Variants in FTO observed in about 807,000 individuals in gnomAD.
FTO encodes FTO alpha-ketoglutarate dependent dioxygenase.
A neutral mutation model predicts 63.9 loss-of-function variants in FTO; 47 were observed. The ratio of observed to expected loss-of-function variants is 0.74; its 90% confidence interval spans 0.58 to 0.94. The LOEUF is 0.94. FTO is among the 40% of genes least tolerant of loss of function. The probability of loss-of-function intolerance (pLI) is 0.00; values close to 1 mark genes in which losing one functional copy is unlikely to be tolerated. For synonymous variants in FTO, 207 were observed against 224.4 expected, an observed-to-expected ratio of 0.92 and a Z score of 0.69; for missense variants, 562 against 618.1, an observed-to-expected ratio of 0.91 and a Z score of 0.96.
intron 7 of FTO, among the ~76,000 whole-genome samples, chr16:53,915,866 C>T (rs1201758428): frequency 1.3e-5 from 2 of 152,176 alleles, no homozygotes; most frequent in Admixed American, 1.3e-4. Flanking sequence ...AATTGTCTGT[C>T]TGAGATGAGC....
At chr16:54,033,423 T>C (rs755621241) in intron 8 of FTO, among the ~76,000 whole-genome samples, 1 of 152,192 alleles carries the variant, frequency 6.6e-6, no homozygotes, top group African/African-American at 2.4e-5. Context: ...ATAAAAACAC[T>C]GTACCTTTTG....
At chr16:53,801,446 G>C (rs2078220371) in intron 1 of FTO, among the ~76,000 whole-genome samples, 1 of 151,580 alleles carries the variant, frequency 6.6e-6, no homozygotes, top group African/African-American at 2.4e-5. Context: ...TCTTGTTTTT[G>C]CTTTAGTCAA....
chr16:53,739,414 C>T (rs1188058948), intron 1 of FTO, among the ~76,000 whole-genome samples: 1 of 148,408 alleles, frequency 6.7e-6, no homozygotes, highest in African/African-American at 2.5e-5. Context: ...TGGGGTTTTA[C>T]CGTGTTAGCC....
At chr16:53,744,035 AGTC>A (rs2076590096) in intron 1 of FTO, among the ~76,000 whole-genome samples, 1 of 152,234 alleles carries the variant, frequency 6.6e-6, no homozygotes, top group South Asian at 2.1e-4. Context: ...CATTTTCTCC[AGTC>A]GTCTTGTAGA....
rs200353889 is a variant in FTO at position 53,729,502 on chromosome 16, C to CG, written c.45+25279dup. ...TGCGTGACAGACTGAGACTCCGTAT[C>CG]GGGGGGAAAAAAAAAGTAAAATGAC... On this transcript the variant is annotated intron_variant, in intron 1 of 8. Coordinates refer to ENST00000471389, the MANE Select transcript of FTO (RefSeq NM_001080432.3). Among the ~76,000 whole-genome samples the CG allele has an allele frequency of 3.3e-3, 349 of 104,788 alleles. 2 individuals are homozygous for CG. Among genetic ancestry groups the CG allele is most frequent in the Middle Eastern group, 0.01 (2 of 198 alleles). The allele number at this position is 104,788 out of a possible 152,430, so 68.7% of individuals were successfully genotyped here.
intron 8 of FTO, among the ~76,000 whole-genome samples, chr16:54,053,386 C>G (rs1210092430): frequency 6.6e-5 from 10 of 152,180 alleles, no homozygotes; most frequent in African/African-American, 2.4e-4. Flanking sequence ...GTTCTTCCCC[C>G]TCCCTCTTTC....
chr16:53,743,055 T>A (rs1362371690), intron 1 of FTO, among the ~76,000 whole-genome samples: 1 of 152,194 alleles, frequency 6.6e-6, no homozygotes, highest in Non-Finnish European at 1.5e-5. Flanking sequence ...AGTAAGTGAA[T>A]CCAGGTATGT....
intron 8 of FTO, among the ~76,000 whole-genome samples, chr16:54,048,101 T>A (rs1338963862): frequency 1.4e-5 from 1 of 73,436 alleles, no homozygotes; most frequent in Non-Finnish European, 2.2e-5. Context: ...ACCCTAAAAC[T>A]TAGAGTATAA....
intron 8 of FTO, among the ~76,000 whole-genome samples, chr16:54,097,680 T>TGAGC (rs1302639851): frequency 6.6e-6 from 1 of 152,222 alleles, no homozygotes; most frequent in Admixed American, 6.5e-5. Context: ...GATATAGCAG[T>TGAGC]GAGCAAAACA....
At chr16:53,724,186 C>CA (rs1338104882) in intron 1 of FTO, among the ~76,000 whole-genome samples, 4 of 152,188 alleles carry the variant, frequency 2.6e-5, no homozygotes, top group African/African-American at 9.7e-5. Context: ...GGAAGTTTGA[C>CA]AAGGAGTATT....
chr16:53,862,959 A>G (rs1285785315), intron 4 of FTO, among the ~76,000 whole-genome samples: 1 of 152,178 alleles, frequency 6.6e-6, no homozygotes, highest in African/African-American at 2.4e-5. Context: ...GAGTTATAGG[A>G]GAATCTCTTG....
chr16:53,990,943 C>T (rs1449032281), intron 8 of FTO: 3 of 152,184 alleles, frequency 2.0e-5, no homozygotes, highest in East Asian at 3.9e-4. Flanking sequence ...GCTGGGATTA[C>T]AGTGCTTTGC....
intron 4 of FTO, among the ~76,000 whole-genome samples, chr16:53,846,894 A>G (rs2079638207): frequency 6.6e-6 from 1 of 152,058 alleles, no homozygotes; most frequent in African/African-American, 2.4e-5. Context: ...TTTTCTGATT[A>G]AAAAAGCAAT....
At chr16:53,720,622 A>G (rs1370738884) in intron 1 of FTO, among the ~76,000 whole-genome samples, 3 of 146,920 alleles carry the variant, frequency 2.0e-5, no homozygotes, top group African/African-American at 7.5e-5. Context: ...AAAGATATAT[A>G]TATATCTTTT....
intron 8 of FTO, among the ~76,000 whole-genome samples, chr16:54,020,746 C>A (rs1181604271): frequency 6.6e-6 from 1 of 152,006 alleles, no homozygotes; most frequent in Non-Finnish European, 1.5e-5. Context: ...CTGAGGCAGG[C>A]GGATTACTTG....
chr16:53,914,015 C>T (rs1567431225), intron 7 of FTO, among the ~76,000 whole-genome samples: 1 of 151,158 alleles, frequency 6.6e-6, no homozygotes, highest in Non-Finnish European at 1.5e-5. Context: ...TGGTCATAGG[C>T]CCTGGCCACA....
chr16:53,851,198 A>C (rs185492530), intron 4 of FTO, among the ~76,000 whole-genome samples: 3,051 of 151,688 alleles, frequency 0.02, 40 homozygotes, highest in Non-Finnish European at 0.031. Flanking sequence ...CTGTAATCCC[A>C]GCACTTTGGG....
chr16:53,745,680 G>A (rs1158824102), intron 1 of FTO, among the ~76,000 whole-genome samples: 3 of 152,166 alleles, frequency 2.0e-5, no homozygotes, highest in Non-Finnish European at 4.4e-5. Flanking sequence ...TTGTCAAAGT[G>A]ATCAGTTACC....
At chr16:54,003,070 A>G (rs1456666771) in intron 8 of FTO, among the ~76,000 whole-genome samples, 2 of 152,188 alleles carry the variant, frequency 1.3e-5, no homozygotes, top group Admixed American at 6.5e-5. Context: ...CAGAAATACC[A>G]ACCCAAGATC....
Sources: allele counts gnomAD v4.1 joint callset (sites outside exome capture counted in the v4.1 genomes callset), GRCh38; gene constraint gnomAD v4.1.1; transcripts MANE v1.5; gene names NCBI Gene and HGNC (gene_info 2026-07-23, HGNC 2026-07-21).